Variants in MPP7 observed in about 807,000 individuals in gnomAD.
MPP7 encodes the protein MAGUK p55 scaffold protein 7.
MPP7 carries 60 observed loss-of-function variants against 76.5 expected under a neutral mutation model. That is an observed-to-expected ratio of 0.78 (90% confidence interval 0.64 to 0.97). The LOEUF is 0.97. Among genes scored for constraint, MPP7 ranks in the 50% least tolerant of loss-of-function variants. MPP7 has a pLI of 0.00. For synonymous variants in MPP7, 237 were observed against 244.5 expected (o/e 0.97, Z 0.29); for missense variants, 641 against 694.0 (o/e 0.92, Z 0.86).
At chr10:28,172,111 C>T (rs7074621) in intron 3 of MPP7, among the ~76,000 whole-genome samples, 20,166 of 152,126 alleles carry the variant, frequency 0.13, 2,023 homozygotes, top group African/African-American at 0.28. Flanking sequence ...CATTGGCCTA[C>T]GGAGAAGGAC....
chr10:28,051,732 A>G lies in MPP7; in HGVS notation c.*2333T>C, dbSNP rs2133295668. ...ATCAATTATCTTTCTAAGCATCAAG[A>G]TGGCCATGTAAACACTGTTTTTAAG... On this transcript the variant is annotated 3_prime_UTR_variant, in exon 17 of 17. Transcript: ENST00000683449. 1 of 152,118 alleles carries G rather than the reference A, an allele frequency of 6.6e-6. No homozygotes were observed. Among genetic ancestry groups the G allele is most frequent in the Admixed American group, 6.5e-5 (1 of 15,286 alleles). 9.4% of individuals were successfully genotyped at this position (152,118 alleles called of 1,614,324 possible). A position where few individuals can be genotyped will look rare whatever the true frequency, so the allele number is the denominator to read the frequency against.
At chr10:28,118,267 C>T (rs1834720546) in intron 11 of MPP7, 34 of 984,422 alleles carry the variant, frequency 3.5e-5, no homozygotes, top group Non-Finnish European at 4.1e-5. Flanking sequence ...AGCAAAATAT[C>T]CCTTTTGTAT....
intron 3 of MPP7, among the ~76,000 whole-genome samples, chr10:28,179,106 G>T (rs550838317): frequency 6.6e-6 from 1 of 152,036 alleles, no homozygotes; most frequent in East Asian, 1.9e-4. Context: ...CCATTACAAC[G>T]ACTGGGGTGC....
intron 13 of MPP7, among the ~76,000 whole-genome samples, chr10:28,064,467 C>A (rs566221522): frequency 6.6e-6 from 1 of 152,242 alleles, no homozygotes; most frequent in African/African-American, 2.4e-5. Context: ...GACTGGATTA[C>A]CAAGGGCACA....
chr10:28,112,141 T>C (rs931066837), intron 11 of MPP7, among the ~76,000 whole-genome samples: 7 of 152,276 alleles, frequency 4.6e-5, no homozygotes, highest in Non-Finnish European at 8.8e-5. Flanking sequence ...TTTAAGCACA[T>C]GTCTTAGTAA....
rs149730161 is a variant in MPP7 at position 28,178,263 on chromosome 10, G to A, written c.156+23890C>T. Among the ~76,000 whole-genome samples, 5 of 152,072 alleles carry A rather than the reference G, an allele frequency of 3.3e-5. No individual in the cohort carries two copies. The East Asian group carries it at 7.8e-4, about 24-fold the overall frequency. On this transcript the variant is annotated intron_variant, in intron 3 of 16. Transcript: ENST00000683449. ...ATGTTGCCAAATGACCAGGAAAGGC[G>A]AGAAGGAATCCAACTCAGTCGAAAA...
rs1422320079 is a variant in MPP7, at chr10:28,149,965, C to T, written c.234+17G>A. The T allele has an allele frequency of 3.1e-6, 5 of 1,607,496 alleles. No individual in the cohort carries two copies. The highest frequency in any genetic ancestry group is 4.3e-6 in the Non-Finnish European group (5 of 1,175,600). On this transcript the variant is annotated intron_variant, in intron 4 of 16. Transcript: ENST00000683449. ...TGCAGCAGACACATCCCAGTGAGCT[C>T]GGAGAGTCACACTTACATCATCGGC...
chr10:28,102,832 A>G lies in MPP7; in HGVS notation c.953-12991T>C, dbSNP rs556982487. Among the ~76,000 whole-genome samples the G allele has an allele frequency of 2.6e-5, 4 of 152,314 alleles. No individual in the cohort carries two copies. The South Asian group carries it at 8.3e-4, about 32-fold the overall frequency. On this transcript the variant is annotated intron_variant, in intron 11 of 16. Transcript: ENST00000683449. ...CATCATCATCTGCCTGAATGACTAC[A>G]GGAGCTCCCTGCTTCTGCTGTTTCT... is the stretch of plus-strand genomic sequence containing the variant.
At chr10:28,082,144 TA>T (rs1852792162) in intron 12 of MPP7, among the ~76,000 whole-genome samples, 1 of 152,206 alleles carries the variant, frequency 6.6e-6, no homozygotes, top group African/African-American at 2.4e-5. Context: ...AATAAATTCC[TA>T]TGTATACAAC....
chr10:28,111,649 C>T (rs1273179233), intron 11 of MPP7, among the ~76,000 whole-genome samples: 1 of 152,120 alleles, frequency 6.6e-6, no homozygotes, highest in African/African-American at 2.4e-5. Flanking sequence ...AATAACCTGA[C>T]AATTATCAAT....
Position 28,317,387 on chromosome 10 carries a change from C to T in MPP7, c.-132+12542G>A, listed in dbSNP as rs568997761. On this transcript the variant is annotated intron_variant, in intron 2 of 11. Transcript: ENST00000441595. ...TACCAAAAATAAATAAATAAATAGC[C>T]GGGTGTGGTGGTGCATGCCTGTAGC... 5.3e-5 allele frequency among the ~76,000 whole-genome samples: 8 copies of T among 152,006 alleles called. No homozygotes were observed. The East Asian group carries it at 7.8e-4, about 15-fold the overall frequency.
intron 2 of MPP7, among the ~76,000 whole-genome samples, chr10:28,221,685 C>T (rs1277763556): frequency 2.0e-5 from 3 of 152,098 alleles, no homozygotes; most frequent in African/African-American, 7.2e-5. Flanking sequence ...GGTGATTTTT[C>T]TACAACCCCT....
intron 11 of MPP7, among the ~76,000 whole-genome samples, chr10:28,110,120 T>C (rs1301242778): frequency 6.6e-6 from 1 of 151,394 alleles, no homozygotes; most frequent in Non-Finnish European, 1.5e-5. Context: ...AGATGGAGTC[T>C]CACTCTTTTG....
intron 3 of MPP7, among the ~76,000 whole-genome samples, chr10:28,178,788 T>A (rs1286548331): frequency 6.6e-6 from 1 of 152,140 alleles, no homozygotes; most frequent in African/African-American, 2.4e-5. Flanking sequence ...TGTTTAATTA[T>A]CCTCAGAAAG....
chr10:28,054,068 T>C lies in MPP7; in HGVS notation c.1728A>G (p.Ser576=). The C allele has an allele frequency of 6.2e-7, 1 of 1,610,842 alleles. No homozygotes were observed. Among genetic ancestry groups the C allele is most frequent in the Non-Finnish European group, 8.5e-7 (1 of 1,178,632 alleles). The change falls in exon 17 of 17, where the codon TCA becomes TCG. Residue 576 remains serine, a synonymous_variant. Coordinates refer to ENST00000683449, the MANE Select transcript of MPP7 (RefSeq NM_001318170.2). ...THWVPVSWLH[S] is the part of the protein sequence containing the mutation. ...CAATTATGGAAATTTCTCTTAGTTA[T>C]GAATGTAACCAGCTCACTGGCACCC...
At chr10:28,079,990 G>A (rs902484625) in intron 12 of MPP7, among the ~76,000 whole-genome samples, 6 of 150,152 alleles carry the variant, frequency 4.0e-5, no homozygotes, top group African/African-American at 9.8e-5. Context: ...GGTGTGGTGC[G>A]GGGTGCCTAT....
chr10:28,089,896 T>G (rs1271318582), intron 11 of MPP7, 55 bp from the exon 12 acceptor site: 17 of 812,128 alleles, frequency 2.1e-5, no homozygotes, highest in African/African-American at 7.2e-5. Context: ...AAAGAAACCC[T>G]CAAAAAAAAA....
intron 1 of MPP7, among the ~76,000 whole-genome samples, chr10:28,262,222 TATAC>T (rs796847293): frequency 4.0e-4 from 11 of 27,624 alleles, no homozygotes; most frequent in Non-Finnish European, 6.4e-4. Context: ...TATATATATA[TATAC>T]ATATATATAT....
chr10:28,255,996 G>A (rs374191339), intron 1 of MPP7, among the ~76,000 whole-genome samples: 99 of 152,160 alleles, frequency 6.5e-4, no homozygotes, highest in African/African-American at 2.3e-3. Flanking sequence ...GGAACTCATG[G>A]AATACCCTGA....
Sources: gnomAD v4.1 joint callset for allele counts (sites outside exome capture counted in the v4.1 genomes callset) on GRCh38, gnomAD v4.1.1 for gene constraint, MANE v1.5 for transcripts, NCBI Gene and HGNC (gene_info 2026-07-23, HGNC 2026-07-21) for gene names.